The following PRPF3 variants were observed in gnomAD, a reference collection of about 807,000 sequenced individuals.
PRPF3 encodes pre-mRNA processing factor 3, also known as U4/U6 small nuclear ribonucleoprotein Prp3.
Under a neutral mutation model 89.2 loss-of-function variants are expected in PRPF3, and 3 were observed. That is an observed-to-expected ratio of 0.03 (90% CI 0.02 to 0.09). The LOEUF is 0.09. PRPF3 is among the 10% of genes least tolerant of loss of function. The pLI, the probability that PRPF3 is intolerant of heterozygous loss-of-function variation, is 1.00. For missense variants in PRPF3, 463 were observed against 828.8 expected (o/e 0.56, Z 5.42); for synonymous variants, 270 against 289.1 (o/e 0.93, Z 0.67).
At chr1:150,335,661 C>T (rs1656892507) in intron 7 of PRPF3, among the ~76,000 whole-genome samples, 1 of 151,868 alleles carries the variant, frequency 6.6e-6, no homozygotes, top group African/African-American at 2.4e-5. Context: ...GACGGGGTTT[C>T]TCCGTGTTGG....
chr1:150,338,794 C>T (rs913694302), intron 8 of PRPF3, among the ~76,000 whole-genome samples: 1 of 152,074 alleles, frequency 6.6e-6, no homozygotes, highest in Non-Finnish European at 1.5e-5. Flanking sequence ...GGATTACAGG[C>T]GTGAGCCACT....
At chr1:150,339,376 C>CAA (rs111630557) in intron 8 of PRPF3, among the ~76,000 whole-genome samples, 4 of 136,974 alleles carry the variant, frequency 2.9e-5, no homozygotes, top group South Asian at 2.4e-4. Context: ...AACTCTGTCT[C>CAA]AAAAAAAAAA....
chr1:150,324,805 C>A, intron 1 of PRPF3, 90 bp from the exon 2 acceptor site: 1 of 1,089,446 alleles, frequency 9.2e-7, no homozygotes, highest in Non-Finnish European at 1.3e-6. Context: ...CCTTGGCCTC[C>A]CAAAGTGCTG....
chr1:150,344,369 C>T, intron 11 of PRPF3, 65 bp from the exon 12 acceptor site: 1 of 1,614,086 alleles, frequency 6.2e-7, no homozygotes, highest in Non-Finnish European at 8.5e-7. Context: ...CTCTCTCTTT[C>T]CCTCAGCCCT....
intron 8 of PRPF3, 24 bp downstream of exon 8, chr1:150,338,350 T>A (rs1657271161): frequency 1.2e-6 from 2 of 1,609,832 alleles, no homozygotes; most frequent in South Asian, 2.2e-5. Flanking sequence ...AGTACCTTTT[T>A]AAAAAAACAG....
chr1:150,334,562 A>G (rs1294670976), intron 6 of PRPF3, among the ~76,000 whole-genome samples: 3 of 152,008 alleles, frequency 2.0e-5, no homozygotes, highest in Non-Finnish European at 4.4e-5. Flanking sequence ...GGCTCAAGCC[A>G]TCCACCCGCC....
chr1:150,336,278 C>G (rs782196845), intron 7 of PRPF3, among the ~76,000 whole-genome samples: 2 of 152,022 alleles, frequency 1.3e-5, no homozygotes, highest in Non-Finnish European at 2.9e-5. Flanking sequence ...AGGGTTCGCG[C>G]TCCTCTGAGA....
rs1553863246 is a variant in PRPF3 at position 150,324,880 on chromosome 1, C to CTCT, written c.-48-14_-48-13insCTT. ...TCTTTTCTTATTCTCTAACTTGTCTCTTTTTTTTTTTTAGGTGTAGTATTG... is the reference window on the plus strand; with the variant it reads ...TCTTTTCTTATTCTCTAACTTGTCTCTCTTTTTTTTTTTTTAGGTGTAGTATTG... On this transcript the variant is annotated splice_polypyrimidine_tract_variant and intron_variant, in intron 1 of 15. Coordinates refer to ENST00000324862, the MANE Select transcript of PRPF3 (RefSeq NM_004698.4). 2.6e-5 allele frequency: 35 copies of CTCT among 1,343,510 alleles called. No individual in the cohort carries two copies. In the Admixed American group the frequency reaches 4.1e-4, roughly 16 times the overall value. The allele number at this position is 1,343,510 out of a possible 1,614,324, so 83.2% of individuals were successfully genotyped here. A position where few individuals can be genotyped will look rare whatever the true frequency, so the allele number is the denominator to read the frequency against.
intron 7 of PRPF3, among the ~76,000 whole-genome samples, chr1:150,337,934 G>A (rs1018418461): frequency 3.9e-5 from 6 of 151,964 alleles, no homozygotes; most frequent in African/African-American, 1.4e-4. Flanking sequence ...ATTAGCTGAG[G>A]GTGGTGGCAC....
chr1:150,347,317 CACAT>C (rs1407338052), intron 14 of PRPF3, among the ~76,000 whole-genome samples: 5 of 151,852 alleles, frequency 3.3e-5, no homozygotes, highest in African/African-American at 1.2e-4. Flanking sequence ...CACACACATA[CACAT>C]ACACACAATA....
intron 7 of PRPF3, among the ~76,000 whole-genome samples, chr1:150,337,040 C>CTT (rs35026026): frequency 0.047 from 5,746 of 121,120 alleles, 574 homozygotes; most frequent in African/African-American, 0.13. Flanking sequence ...CATAAAATTC[C>CTT]TTTTTTTTTT....
chr1:150,347,321 TACAC>T (rs1172103427), intron 14 of PRPF3, among the ~76,000 whole-genome samples: 66 of 151,606 alleles, frequency 4.4e-4, no homozygotes, highest in Admixed American at 1.3e-3. Context: ...CACATACACA[TACAC>T]ACAATACACA....
chr1:150,338,411 A>G lies in PRPF3; in HGVS notation c.1202+85A>G, dbSNP rs587708866. Reference sequence around the variant, plus strand: ...CAAGTTAATACCTTTTAGTAAAGCTATGGTTTTAGTGGGAAGGATGGTACT... The same window carrying G: ...CAAGTTAATACCTTTTAGTAAAGCTGTGGTTTTAGTGGGAAGGATGGTACT... On this transcript the variant is annotated intron_variant, in intron 8 of 15. Transcript: ENST00000324862. 414 of 1,364,460 alleles carry G rather than the reference A, an allele frequency of 3.0e-4. 5 individuals are homozygous for G. In the South Asian group the frequency reaches 3.6e-3, roughly 12 times the overall value. The allele number at this position is 1,364,460 out of a possible 1,614,324, so 84.5% of individuals were successfully genotyped here. A position where few individuals can be genotyped will look rare whatever the true frequency, so the allele number is the denominator to read the frequency against.
chr1:150,332,897 ATG>A, intron 5 of PRPF3, 80 bp from the exon 6 acceptor site: 1 of 1,483,974 alleles, frequency 6.7e-7, no homozygotes, highest in Non-Finnish European at 9.4e-7. Context: ...GTCTACCATG[ATG>A]TGTGTGTATA....
intron 7 of PRPF3, among the ~76,000 whole-genome samples, chr1:150,337,797 G>T (rs184106902): frequency 4.9e-4 from 74 of 151,288 alleles, no homozygotes; most frequent in African/African-American, 1.6e-3. Flanking sequence ...GATTCTGGCC[G>T]GGCACAGTGG....
At chr1:150,322,538 T>C (rs1553862328) in intron 1 of PRPF3, among the ~76,000 whole-genome samples, 1 of 152,208 alleles carries the variant, frequency 6.6e-6, no homozygotes, top group Non-Finnish European at 1.5e-5. Context: ...TGGTACGCTG[T>C]ATGTCTACTC....
chr1:150,347,019 G>T (rs1427832749), intron 14 of PRPF3, among the ~76,000 whole-genome samples: 2 of 152,130 alleles, frequency 1.3e-5, no homozygotes, highest in Non-Finnish European at 2.9e-5. Flanking sequence ...TGAGCTTGGG[G>T]AGGTCGAGGC....
chr1:150,347,454 G>C (rs2102020564), intron 14 of PRPF3, among the ~76,000 whole-genome samples: 1 of 152,202 alleles, frequency 6.6e-6, no homozygotes, highest in Non-Finnish European at 1.5e-5. Context: ...TTTAAGGCCA[G>C]GCACGGTGGC....
intron 7 of PRPF3, among the ~76,000 whole-genome samples, chr1:150,335,851 C>T (rs587713965): frequency 1.2e-3 from 179 of 149,686 alleles, no homozygotes; most frequent in African/African-American, 4.3e-3. Flanking sequence ...TCACTGCAAC[C>T]TCTGCCTCCT....
Sources: gnomAD v4.1 joint callset for allele counts (sites outside exome capture counted in the v4.1 genomes callset) on GRCh38, gnomAD v4.1.1 for gene constraint, MANE v1.5 for transcripts, NCBI Gene and HGNC (gene_info 2026-07-23, HGNC 2026-07-21) for gene names.